Variants in LDLRAD3 observed in about 807,000 individuals in gnomAD.
LDLRAD3 encodes low density lipoprotein receptor class A domain containing 3.
Under a neutral mutation model 29.4 loss-of-function variants are expected in LDLRAD3, and 20 were observed. That is an observed-to-expected ratio of 0.68 (90% confidence interval 0.48 to 0.99). The LOEUF is 0.99. Among genes scored for constraint, LDLRAD3 ranks in the 50% least tolerant of loss-of-function variants. The pLI, the probability that LDLRAD3 is intolerant of heterozygous loss-of-function variation, is 0.00. For synonymous variants in LDLRAD3, 157 were observed against 192.7 expected, an observed-to-expected ratio of 0.81 and a Z score of 1.53; for missense variants, 420 against 454.3, an observed-to-expected ratio of 0.92 and a Z score of 0.69.
At chr11:36,049,949 A>C (rs987541411) in intron 2 of LDLRAD3, among the ~76,000 whole-genome samples, 2 of 152,182 alleles carry the variant, frequency 1.3e-5, no homozygotes, top group Non-Finnish European at 2.9e-5. Flanking sequence ...TCTCCTGTCA[A>C]GTGAAGTGTT....
intron 4 of LDLRAD3, among the ~76,000 whole-genome samples, chr11:36,198,908 G>GTT (rs201753607): frequency 4.7e-5 from 7 of 150,520 alleles, no homozygotes; most frequent in African/African-American, 1.7e-4. Context: ...TTCTTGTTTT[G>GTT]TTTTTTTTTG....
chr11:35,950,894 T>C (rs961169820), intron 1 of LDLRAD3, among the ~76,000 whole-genome samples: 15 of 152,060 alleles, frequency 9.9e-5, no homozygotes, highest in Admixed American at 7.9e-4. Flanking sequence ...CCATCCTGGC[T>C]AACATGGTGA....
intron 1 of LDLRAD3, among the ~76,000 whole-genome samples, chr11:35,984,176 T>C (rs913904470): frequency 1.3e-5 from 2 of 152,310 alleles, no homozygotes; most frequent in Non-Finnish European, 2.9e-5. Flanking sequence ...ACACTACTAA[T>C]TGCAAAATAA....
chr11:36,024,384 A>T (rs554186179), intron 1 of LDLRAD3, among the ~76,000 whole-genome samples: 1 of 151,950 alleles, frequency 6.6e-6, no homozygotes, highest in African/African-American at 2.4e-5. Flanking sequence ...ATTTGTATCT[A>T]TCATCCCTCT....
chr11:36,188,129 A>G (rs1256047029), intron 4 of LDLRAD3, among the ~76,000 whole-genome samples: 1 of 152,084 alleles, frequency 6.6e-6, no homozygotes, highest in African/African-American at 2.4e-5. Context: ...AAAGTGCACC[A>G]CATCGAGAAG....
chr11:36,160,932 T>G (rs1854430791), intron 4 of LDLRAD3, among the ~76,000 whole-genome samples: 1 of 152,088 alleles, frequency 6.6e-6, no homozygotes, highest in South Asian at 2.1e-4. Flanking sequence ...GTAGTTGGGA[T>G]TACAGGCACC....
intron 4 of LDLRAD3, among the ~76,000 whole-genome samples, chr11:36,189,008 A>G (rs1043033346): frequency 2.0e-5 from 3 of 151,232 alleles, no homozygotes; most frequent in Non-Finnish European, 4.4e-5. Flanking sequence ...TAAAAGCTTT[A>G]TTAAGACATT....
intron 1 of LDLRAD3, among the ~76,000 whole-genome samples, chr11:35,962,183 C>G (rs1459345578): frequency 1.3e-5 from 2 of 152,098 alleles, no homozygotes; most frequent in Admixed American, 6.6e-5. Context: ...ATTTAAATAG[C>G]CTTTTTCCTT....
chr11:36,199,601 G>A (rs1336225991), intron 4 of LDLRAD3, among the ~76,000 whole-genome samples: 1,803 of 131,972 alleles, frequency 0.014, 41 homozygotes, highest in African/African-American at 0.044. Flanking sequence ...ACGCACGCGT[G>A]CGCGCACACG....
At chr11:35,994,092 G>C (rs535769654) in intron 1 of LDLRAD3, among the ~76,000 whole-genome samples, 6 of 152,220 alleles carry the variant, frequency 3.9e-5, no homozygotes, top group Non-Finnish European at 8.8e-5. Flanking sequence ...GCAGAGATGG[G>C]AGGAAGAACA....
intron 2 of LDLRAD3, among the ~76,000 whole-genome samples, chr11:36,064,094 G>T (rs4756266): frequency 0.98 from 149,447 of 152,298 alleles, 73,375 homozygotes; most frequent in Middle Eastern, 1. Flanking sequence ...TCAGTGATGT[G>T]TTGTAGTTTT....
chr11:35,979,352 C>T (rs141747345), intron 1 of LDLRAD3, among the ~76,000 whole-genome samples: 12 of 152,282 alleles, frequency 7.9e-5, no homozygotes, highest in African/African-American at 2.9e-4. Flanking sequence ...TATTTGCTTG[C>T]TTGATCCCCT....
intron 4 of LDLRAD3, among the ~76,000 whole-genome samples, chr11:36,138,747 G>A (rs945071143): frequency 1.3e-5 from 2 of 152,244 alleles, no homozygotes; most frequent in African/African-American, 2.4e-5. Context: ...TGCTTGGGGG[G>A]TTTGAGGGGT....
chr11:36,118,863 C>T (rs577735773), intron 4 of LDLRAD3, among the ~76,000 whole-genome samples: 1 of 152,112 alleles, frequency 6.6e-6, no homozygotes, highest in Non-Finnish European at 1.5e-5. Context: ...TTTCCTTCAG[C>T]CCTGGGCAGC....
rs1329315861 is a variant in LDLRAD3 at position 36,144,702 on chromosome 11, C to T, written c.454+46241C>T. Among the ~76,000 whole-genome samples, 25 of 132,670 alleles carry T rather than the reference C, an allele frequency of 1.9e-4. 3 individuals are homozygous for T. Among genetic ancestry groups the T allele is most frequent in the Admixed American group, 1.7e-3 (23 of 13,922 alleles). The allele number at this position is 132,670 out of a possible 152,430, so 87.0% of individuals were successfully genotyped here. A position where few individuals can be genotyped will look rare whatever the true frequency, so the allele number is the denominator to read the frequency against. On this transcript the variant is annotated intron_variant, in intron 4 of 5. Transcript: ENST00000315571. The stretch of plus-strand genomic sequence containing the variant: ...GAGCCCCTCCGCCCGGCAGCCACCC[C>T]GTCTGGGAAGTGAGGAGCGTCTCCG...
At chr11:35,966,537 T>G (rs946750813) in intron 1 of LDLRAD3, among the ~76,000 whole-genome samples, 1 of 152,054 alleles carries the variant, frequency 6.6e-6, no homozygotes, top group East Asian at 1.9e-4. Context: ...TCTGATAAAA[T>G]AAAGGGAAAT....
chr11:36,144,785 G>A lies in LDLRAD3; in HGVS notation c.454+46324G>A, dbSNP rs867423798. 5.5e-4 allele frequency among the ~76,000 whole-genome samples: 67 copies of A among 122,074 alleles called. 1 individual carries two copies. The highest frequency in any genetic ancestry group is 8.2e-4 in the South Asian group (3 of 3,648). The allele number at this position is 122,074 out of a possible 152,430, so 80.1% of individuals were successfully genotyped here. A position where few individuals can be genotyped will look rare whatever the true frequency, so the allele number is the denominator to read the frequency against. On this transcript the variant is annotated intron_variant, in intron 4 of 5. Coordinates refer to ENST00000315571, the MANE Select transcript of LDLRAD3 (RefSeq NM_174902.4). Reference sequence around the variant, plus strand: ...GGGTCAGCCCCCCGCCCGGCCAGCCGCCCCGTCCGGGAGGGAGGTGGGGGG... The same window carrying A: ...GGGTCAGCCCCCCGCCCGGCCAGCCACCCCGTCCGGGAGGGAGGTGGGGGG...
intron 2 of LDLRAD3, among the ~76,000 whole-genome samples, chr11:36,060,184 C>T (rs1039319697): frequency 3.9e-5 from 6 of 151,900 alleles, no homozygotes; most frequent in African/African-American, 1.5e-4. Flanking sequence ...GACATTCCAT[C>T]TCTACTAAAA....
chr11:36,018,290 A>G (rs1852049117), intron 1 of LDLRAD3, among the ~76,000 whole-genome samples: 1 of 152,152 alleles, frequency 6.6e-6, no homozygotes, highest in Non-Finnish European at 1.5e-5. Context: ...TTTTAGCAGA[A>G]TTCATGTTGC....
Sources: gnomAD v4.1 joint callset for allele counts (sites outside exome capture counted in the v4.1 genomes callset) on GRCh38, gnomAD v4.1.1 for gene constraint, MANE v1.5 for transcripts, NCBI Gene and HGNC (gene_info 2026-07-23, HGNC 2026-07-21) for gene names.